RBM27: variants seen among roughly 807,000 people sequenced by gnomAD.
The protein encoded by RBM27 is RNA binding motif protein 27.
RBM27 carries 22 observed loss-of-function variants against 135.3 expected under a neutral mutation model. That is an observed-to-expected ratio of 0.16 (90% CI 0.12 to 0.23). RBM27 has a LOEUF of 0.23. Ranked by LOEUF, RBM27 falls within the 10% of genes least tolerant of loss-of-function variation. The pLI is 1.00. For synonymous variants in RBM27, 481 were observed against 442.4 expected (o/e 1.09, Z -1.10); for missense variants, 1,009 against 1,281.0 (o/e 0.79, Z 3.24).
At chr5:146,258,024 G>A (rs1229017670) in intron 10 of RBM27, among the ~76,000 whole-genome samples, 1 of 152,024 alleles carries the variant, frequency 6.6e-6, no homozygotes, top group African/African-American at 2.4e-5. Flanking sequence ...TCCCCATGTT[G>A]GTCAGGCTGG....
At chr5:146,260,254 G>A (rs1758332856) in intron 11 of RBM27, among the ~76,000 whole-genome samples, 1 of 151,256 alleles carries the variant, frequency 6.6e-6, no homozygotes, top group South Asian at 2.1e-4. Context: ...GGCCGAGATT[G>A]TTCCACGGCA....
chr5:146,211,943 A>G (rs747577029), intron 1 of RBM27, among the ~76,000 whole-genome samples: 2 of 152,208 alleles, frequency 1.3e-5, no homozygotes, highest in Non-Finnish European at 1.5e-5. Flanking sequence ...GAATTTTTAT[A>G]TAGCTACAGT....
intron 12 of RBM27, among the ~76,000 whole-genome samples, chr5:146,261,151 C>CTG (rs1167315642): frequency 6.6e-6 from 1 of 152,180 alleles, no homozygotes; most frequent in Non-Finnish European, 1.5e-5. Flanking sequence ...GTTTTGGAGA[C>CTG]TGAGAAGTCC....
In RBM27 at chr5:146,230,653, G is replaced by C. The variant is rs528279671; in HGVS notation, c.590-4G>C. 15 of 1,612,874 alleles carry C rather than the reference G, an allele frequency of 9.3e-6. No homozygotes were observed. The highest frequency in any genetic ancestry group is 5.0e-5 in the Admixed American group (3 of 59,904). On this transcript the variant is annotated splice_region_variant and splice_polypyrimidine_tract_variant and intron_variant, in intron 5 of 20. Transcript: ENST00000265271. ...TTTCTGTTTTTAATTTTGTCTCCAA[G>C]TAGAGCACAGGGAAAGATCGAAGTT... is the stretch of plus-strand genomic sequence containing the variant.
chr5:146,256,659 T>A (rs1758118998), intron 10 of RBM27, among the ~76,000 whole-genome samples: 1 of 152,074 alleles, frequency 6.6e-6, no homozygotes, highest in Non-Finnish European at 1.5e-5. Flanking sequence ...CAGCCTCATA[T>A]ATATTATTGT....
rs1434918690 is a variant in RBM27, at chr5:146,288,754, G to T, written c.*2724G>T. Reference sequence around the variant, plus strand: ...GTGGATCACTGTCCAAGATAAAAAGGTAACCCCAAGTATTGCAAAATTTCC... The same window carrying T: ...GTGGATCACTGTCCAAGATAAAAAGTTAACCCCAAGTATTGCAAAATTTCC... On this transcript the variant is annotated 3_prime_UTR_variant, in exon 21 of 21. Transcript: ENST00000265271. 1 of 152,028 alleles carries T rather than the reference G, an allele frequency of 6.6e-6. No homozygotes were observed. The highest frequency in any genetic ancestry group is 6.5e-5 in the Admixed American group (1 of 15,272). The allele number at this position is 152,028 out of a possible 1,614,324, so 9.4% of individuals were successfully genotyped here. A position where few individuals can be genotyped will look rare whatever the true frequency, so the allele number is the denominator to read the frequency against.
intron 10 of RBM27, among the ~76,000 whole-genome samples, chr5:146,256,319 T>A (rs1338116321): frequency 4.1e-5 from 6 of 146,812 alleles, no homozygotes; most frequent in African/African-American, 7.4e-5. Flanking sequence ...ATATATATAT[T>A]TTTATATATA....
At chr5:146,261,380 A>C (rs1758387911) in intron 12 of RBM27, 130 bp from the exon 13 acceptor site, 1 of 780,114 alleles carries the variant, frequency 1.3e-6, no homozygotes, top group Non-Finnish European at 2.1e-6. Flanking sequence ...CTATCTCTAA[A>C]ACAGTAATGT....
At chr5:146,253,751 C>A (rs1757995587) in intron 9 of RBM27, among the ~76,000 whole-genome samples, 1 of 152,052 alleles carries the variant, frequency 6.6e-6, no homozygotes, top group African/African-American at 2.4e-5. Context: ...GCACAATATT[C>A]GTGGGAGAGG....
intron 15 of RBM27, among the ~76,000 whole-genome samples, chr5:146,268,035 T>C (rs1758692545): frequency 1.3e-5 from 2 of 152,140 alleles, no homozygotes; most frequent in Admixed American, 1.3e-4. Context: ...AGGTAGATAA[T>C]GATTCATATA....
chr5:146,282,318 T>C (rs1759396537), intron 19 of RBM27, among the ~76,000 whole-genome samples: 1 of 152,202 alleles, frequency 6.6e-6, no homozygotes, highest in Non-Finnish European at 1.5e-5. Flanking sequence ...ATCCTCTTAC[T>C]GATGGATGTT....
At chr5:146,259,168 A>G (rs972260743) in intron 11 of RBM27, among the ~76,000 whole-genome samples, 5 of 152,058 alleles carry the variant, frequency 3.3e-5, no homozygotes. Context: ...AATGAAATCA[A>G]CGGTGAAAAA....
intron 5 of RBM27, 85 bp downstream of exon 5, chr5:146,229,995 T>C: frequency 6.9e-7 from 1 of 1,451,714 alleles, no homozygotes; most frequent in Non-Finnish European, 9.5e-7. Context: ...CTTAAAGTTG[T>C]ACCTTTAATA....
intron 1 of RBM27, among the ~76,000 whole-genome samples, chr5:146,207,965 T>TC (rs1755772789): frequency 6.9e-6 from 1 of 144,708 alleles, no homozygotes; most frequent in Non-Finnish European, 1.5e-5. Context: ...TTTTTTTTTT[T>TC]TTTTTTTTTA....
rs751542203 is a variant in RBM27, at chr5:146,269,590, T to G, written c.2691+6T>G. Reference sequence around the variant, plus strand: ...AAGTGAAGACAAAAACGGAGGTATCTATTTGCATTTTTTATTTAACATAGG... The same window carrying G: ...AAGTGAAGACAAAAACGGAGGTATCGATTTGCATTTTTTATTTAACATAGG... On this transcript the variant is annotated splice_donor_region_variant and intron_variant, in intron 17 of 20. Transcript: ENST00000265271. 1.3e-6 allele frequency: 2 copies of G among 1,518,910 alleles called. No individual in the cohort carries two copies. Among genetic ancestry groups the G allele is most frequent in the Non-Finnish European group, 1.8e-6 (2 of 1,140,812 alleles). The allele number at this position is 1,518,910 out of a possible 1,614,324, so 94.1% of individuals were successfully genotyped here. A position where few individuals can be genotyped will look rare whatever the true frequency, so the allele number is the denominator to read the frequency against.
chr5:146,249,077 G>A (rs1757765507), intron 8 of RBM27, among the ~76,000 whole-genome samples: 1 of 151,904 alleles, frequency 6.6e-6, no homozygotes, highest in Non-Finnish European at 1.5e-5. Context: ...TGACCTTCTG[G>A]CTCAAGTGAT....
intron 1 of RBM27, among the ~76,000 whole-genome samples, chr5:146,206,571 CTTTA>C (rs531446182): frequency 1.1e-4 from 16 of 148,750 alleles, no homozygotes; most frequent in South Asian, 4.3e-4. Flanking sequence ...GGCTAAAATA[CTTTA>C]TTTGTTTGTT....
In RBM27 at chr5:146,229,765, G is replaced by T. The variant is rs201341007; in HGVS notation, c.444G>T (p.Arg148=). ...REDGKWRDYD[R]YYERNELYRE... ...ACGGGAAATGGAGAGACTATGACCG[G>T]TACTATGAGCGGAATGAATTGTACC... The change falls in exon 5 of 21, where the codon CGG becomes CGT. Residue 148 remains arginine (R), a synonymous_variant. Transcript: ENST00000265271. The T allele has an allele frequency of 6.2e-7, 1 of 1,612,652 alleles. No individual in the cohort carries two copies. The highest frequency in any genetic ancestry group is 2.2e-5 in the East Asian group (1 of 44,884).
intron 14 of RBM27, among the ~76,000 whole-genome samples, chr5:146,266,966 C>T (rs886208494): frequency 3.3e-5 from 5 of 152,030 alleles, no homozygotes; most frequent in Non-Finnish European, 5.9e-5. Flanking sequence ...AAAAAAAGAA[C>T]GTAGCTTAAT....
Sources: gnomAD v4.1 joint callset for allele counts (sites outside exome capture counted in the v4.1 genomes callset) on GRCh38, gnomAD v4.1.1 for gene constraint, MANE v1.5 for transcripts, NCBI Gene and HGNC (gene_info 2026-07-23, HGNC 2026-07-21) for gene names.